RGS5: variants seen among roughly 807,000 people sequenced by gnomAD.
RGS5 encodes the protein regulator of G-protein signalling 5.
A neutral mutation model predicts 18.9 loss-of-function variants in RGS5; 20 were observed. That is an observed-to-expected ratio of 1.06 (90% confidence interval 0.74 to 1.54). RGS5 has a LOEUF of 1.54. RGS5 is among the 40% of genes most tolerant of loss of function. RGS5 has a pLI of 0.00. For missense variants in RGS5, 201 were observed against 211.8 expected, an observed-to-expected ratio of 0.95 and a Z score of 0.32; for synonymous variants, 57 against 76.2, an observed-to-expected ratio of 0.75 and a Z score of 1.31.
Position 163,147,512 on chromosome 1 carries a change from C to A in RGS5, c.385-9G>T. 1 of 1,565,392 alleles carries A rather than the reference C, an allele frequency of 6.4e-7. No homozygotes were observed. Among genetic ancestry groups the A allele is most frequent in the South Asian group, 1.2e-5 (1 of 82,076 alleles). ...AAGTGGTCAATATTCACCTGTGGGC[C>A]AGGAAACAGGGTCACTACATAAGCC... On this transcript the variant is annotated splice_polypyrimidine_tract_variant and intron_variant, in intron 4 of 4. Coordinates refer to ENST00000313961, the MANE Select transcript of RGS5 (RefSeq NM_003617.4).
chr1:163,219,825 T>C (rs557374061), upstream of RGS5, among the ~76,000 whole-genome samples: 4 of 152,312 alleles, frequency 2.6e-5, no homozygotes, highest in South Asian at 8.3e-4. Context: ...TTTCATTACA[T>C]TGTTGATAAG....
intron 1 of RGS5, among the ~76,000 whole-genome samples, chr1:163,201,737 AAAG>A (rs1225916414): frequency 5.3e-5 from 8 of 152,192 alleles, no homozygotes; most frequent in Admixed American, 2.6e-4. Flanking sequence ...AAGGCATCAA[AAAG>A]AAGACCTGAA....
intron 3 of RGS5, among the ~76,000 whole-genome samples, chr1:163,160,297 T>C (rs2102391667): frequency 6.6e-6 from 1 of 152,334 alleles, no homozygotes; most frequent in East Asian, 1.9e-4. Flanking sequence ...AGAGTACTAG[T>C]ATTCATAATT....
At chr1:163,239,768 T>C (rs984448507) in intron 2 of RGS5, among the ~76,000 whole-genome samples, 4 of 152,204 alleles carry the variant, frequency 2.6e-5, no homozygotes, top group Admixed American at 1.3e-4. Flanking sequence ...TATTTTGAAA[T>C]AGTTCCAACT....
chr1:163,288,692 C>G lies in RGS5; in HGVS notation c.-281+17541G>C, dbSNP rs185122626. 9.2e-5 allele frequency among the ~76,000 whole-genome samples: 14 copies of G among 152,248 alleles called. No homozygotes were observed. In the East Asian group the frequency reaches 2.7e-3, roughly 29 times the overall value. Reference sequence around the variant, plus strand: ...ATCTCATTCACTCTCATCATTTCAACTAAGTTGCTGACTCCCATATATATC... The same window carrying G: ...ATCTCATTCACTCTCATCATTTCAAGTAAGTTGCTGACTCCCATATATATC... On this transcript the variant is annotated intron_variant, in intron 2 of 5. Transcript: ENST00000618415.
At chr1:163,214,057 C>T (rs943451298) in intron 1 of RGS5, among the ~76,000 whole-genome samples, 4 of 152,104 alleles carry the variant, frequency 2.6e-5, no homozygotes, top group Non-Finnish European at 4.4e-5. Flanking sequence ...TCAAATCCCT[C>T]TTCTATTTAT....
intron 1 of RGS5, among the ~76,000 whole-genome samples, chr1:163,307,482 C>A (rs758827683): frequency 5.3e-4 from 80 of 151,910 alleles, no homozygotes; most frequent in Non-Finnish European, 6.2e-4. Context: ...GGAATCAATA[C>A]CCAAAAGATT....
At chr1:163,227,690 C>T (rs1322431944) in intron 2 of RGS5, among the ~76,000 whole-genome samples, 1 of 151,456 alleles carries the variant, frequency 6.6e-6, no homozygotes, top group East Asian at 1.9e-4. Flanking sequence ...AAGTCCAAGT[C>T]CAAAGTCTCA....
At chr1:163,290,534 T>A (rs1360508995) in intron 2 of RGS5, among the ~76,000 whole-genome samples, 1 of 152,140 alleles carries the variant, frequency 6.6e-6, no homozygotes, top group Non-Finnish European at 1.5e-5. Flanking sequence ...CTTTATTTGT[T>A]GCCAGCAGGG....
At chr1:163,220,460 C>G (rs930633935), upstream of RGS5, among the ~76,000 whole-genome samples, 7 of 152,156 alleles carry the variant, frequency 4.6e-5, no homozygotes, top group East Asian at 1.3e-3. Context: ...CTCCTTCAAT[C>G]TGCAGTAGCT....
Position 163,274,567 on chromosome 1 carries a change from A to C in RGS5, c.-281+31666T>G, listed in dbSNP as rs1303196867. Reference sequence around the variant, plus strand: ...GTGAGCTGTTCTAGCAAATTATTGAACCTGGGGATGGATGTGGGAACTCTC... The same window carrying C: ...GTGAGCTGTTCTAGCAAATTATTGACCCTGGGGATGGATGTGGGAACTCTC... On this transcript the variant is annotated intron_variant, in intron 2 of 5. Coordinates refer to the RGS5 transcript ENST00000618415. 4.6e-5 allele frequency among the ~76,000 whole-genome samples: 7 copies of C among 152,116 alleles called. No homozygotes were observed. In the East Asian group the frequency reaches 1.2e-3, roughly 25 times the overall value.
intron 1 of RGS5, among the ~76,000 whole-genome samples, chr1:163,188,951 C>CAAA (rs34767004): frequency 1.0e-3 from 80 of 77,528 alleles, no homozygotes; most frequent in Non-Finnish European, 1.2e-3. Flanking sequence ...GACCCCATCT[C>CAAA]AAAAAAAAAA....
rs376564834 is a variant in RGS5 at position 163,157,771 on chromosome 1, A to T, written c.217+4144T>A. Among the ~76,000 whole-genome samples, 8 of 152,304 alleles carry T rather than the reference A, an allele frequency of 5.3e-5. No individual in the cohort carries two copies. In the East Asian group the frequency reaches 9.6e-4, roughly 18 times the overall value. Reference sequence around the variant, plus strand: ...GCAACAGGGTCTCTCTCTGTGGCCCAGGCTAGAGAGCAGTGGTACTATGCT... The same window carrying T: ...GCAACAGGGTCTCTCTCTGTGGCCCTGGCTAGAGAGCAGTGGTACTATGCT... On this transcript the variant is annotated intron_variant, in intron 3 of 4. Transcript: ENST00000313961.
chr1:163,255,503 T>A (rs959878359), intron 2 of RGS5, among the ~76,000 whole-genome samples: 5 of 151,864 alleles, frequency 3.3e-5, no homozygotes, highest in African/African-American at 1.2e-4. Context: ...CAGGACCAGA[T>A]GGATTCACAG....
chr1:163,153,063 A>G (rs1307781918), intron 3 of RGS5, among the ~76,000 whole-genome samples: 1 of 152,210 alleles, frequency 6.6e-6, no homozygotes, highest in Non-Finnish European at 1.5e-5. Context: ...CACTATTAAC[A>G]CTAATGCCAT....
chr1:163,202,942 T>C (rs548182655), upstream of RGS5: 28 of 1,020,304 alleles, frequency 2.7e-5, no homozygotes, highest in African/African-American at 2.2e-4. Context: ...CTGAGGTATA[T>C]ATAGAAGCTC....
At chr1:163,258,645 CTGTGTG>C (rs113301415) in intron 2 of RGS5, among the ~76,000 whole-genome samples, 75 of 148,390 alleles carry the variant, frequency 5.1e-4, no homozygotes, top group African/African-American at 1.0e-3. Flanking sequence ...GTAAGTGTGT[CTGTGTG>C]TGTGTGTGTG....
At chr1:163,315,812 C>T (rs1472094864) in intron 1 of RGS5, among the ~76,000 whole-genome samples, 1 of 152,140 alleles carries the variant, frequency 6.6e-6, no homozygotes, top group Middle Eastern at 3.2e-3. Flanking sequence ...TATTTTTCTT[C>T]TTAACCCTGG....
upstream of RGS5, chr1:163,206,903 T>A (rs1303022258): frequency 6.6e-6 from 1 of 152,234 alleles, no homozygotes; most frequent in Non-Finnish European, 1.5e-5. Flanking sequence ...ATAGTAATTA[T>A]TGGTATGTGT....
Sources: gnomAD v4.1 joint callset for allele counts (sites outside exome capture counted in the v4.1 genomes callset) on GRCh38, gnomAD v4.1.1 for gene constraint, MANE v1.5 for transcripts, NCBI Gene and HGNC (gene_info 2026-07-23, HGNC 2026-07-21) for gene names.